The following XKR9 variants were observed in gnomAD, a reference collection of about 807,000 sequenced individuals.
XKR9 encodes XK-related protein 9.
Under a neutral mutation model 32.0 loss-of-function variants are expected in XKR9, and 32 were observed. The ratio of observed to expected loss-of-function variants is 1.00; its 90% CI spans 0.76 to 1.34. The LOEUF (loss-of-function observed/expected upper bound fraction) is 1.34. Ranked by LOEUF, XKR9 falls within the 40% of genes most tolerant of loss-of-function variation. XKR9 has a pLI of 0.00. For missense variants in XKR9, 546 were observed against 429.7 expected, an observed-to-expected ratio of 1.27 and a Z score of -2.39; for synonymous variants, 168 against 143.4, an observed-to-expected ratio of 1.17 and a Z score of -1.22.
At chr8:70,870,077 G>C in the XKR9 span, among the ~76,000 whole-genome samples, 157 of 152,248 alleles carry the variant, frequency 1.0e-3, 1 homozygote, top group Middle Eastern at 6.8e-3. Context: ...TGTGACTCAG[G>C]CATAGTAACT....
chr8:70,732,596 T>C (rs1806708963), intron 4 of XKR9, among the ~76,000 whole-genome samples: 1 of 152,190 alleles, frequency 6.6e-6, no homozygotes, highest in Non-Finnish European at 1.5e-5. Context: ...AATCAATTTA[T>C]CATGATGGGA....
chr8:70,916,662 C>A, the XKR9 span, among the ~76,000 whole-genome samples: 1 of 152,202 alleles, frequency 6.6e-6, no homozygotes, highest in Non-Finnish European at 1.5e-5. Context: ...ATTTTAGAAT[C>A]AGTTCAATAA....
the XKR9 span, among the ~76,000 whole-genome samples, chr8:70,934,113 T>C: frequency 2.6e-5 from 4 of 152,092 alleles, no homozygotes; most frequent in Non-Finnish European, 5.9e-5. Context: ...TTTAGAGTTA[T>C]ATGTTGTCTT....
At chr8:70,901,294 A>G in the XKR9 span, among the ~76,000 whole-genome samples, 420 of 152,214 alleles carry the variant, frequency 2.8e-3, 4 homozygotes, top group African/African-American at 9.6e-3. Flanking sequence ...AAGTGTTCCT[A>G]TTTCTCCACA....
At chr8:70,972,330 G>A in the XKR9 span, among the ~76,000 whole-genome samples, 1 of 152,096 alleles carries the variant, frequency 6.6e-6, no homozygotes, top group Non-Finnish European at 1.5e-5. Flanking sequence ...CTGAAACTTT[G>A]CTGAATTTAT....
the XKR9 span, among the ~76,000 whole-genome samples, chr8:70,992,944 C>T: frequency 1.8e-3 from 267 of 152,342 alleles, 1 homozygote; most frequent in Non-Finnish European, 3.0e-3. Context: ...GTTTCTCCTG[C>T]CTTCTAGACT....
chr8:70,706,960 C>A lies in XKR9; in HGVS notation c.300C>A (p.Tyr100Ter). 1 of 1,612,474 alleles carries A rather than the reference C, an allele frequency of 6.2e-7. No homozygotes were observed. Among genetic ancestry groups the A allele is most frequent in the Non-Finnish European group, 8.5e-7 (1 of 1,178,940 alleles). ...ATTGGTTTGCCTTAAAAAGGGGTTA[C>A]CATGCAGCTTTTAAATATGACAGCA... ...TRYWFALKRG[Y>*]HAAFKYDSNT... Residue 100 changes from tyrosine (Y) to a stop codon, truncating the protein, a stop_gained, in exon 4 of 5, where the codon TAC becomes TAA. Coordinates refer to ENST00000408926, the MANE Select transcript of XKR9 (RefSeq NM_001011720.2). LOFTEE classifies it high-confidence loss of function.
At chr8:70,984,510 A>G in the XKR9 span, among the ~76,000 whole-genome samples, 1 of 152,218 alleles carries the variant, frequency 6.6e-6, no homozygotes, top group African/African-American at 2.4e-5. Context: ...TAAGCCAGCA[A>G]CTATATTTGA....
At chr8:70,980,411 G>C in the XKR9 span, among the ~76,000 whole-genome samples, 2 of 152,160 alleles carry the variant, frequency 1.3e-5, no homozygotes, top group African/African-American at 2.4e-5. Flanking sequence ...TCTCCCTACT[G>C]TTGCTTTAAA....
At chr8:71,063,802 T>A in the XKR9 span, among the ~76,000 whole-genome samples, 1 of 152,170 alleles carries the variant, frequency 6.6e-6, no homozygotes, top group African/African-American at 2.4e-5. Context: ...GCTATTGAAA[T>A]CAAACTGGCC....
the XKR9 span, among the ~76,000 whole-genome samples, chr8:70,951,472 A>AT: frequency 1.3e-5 from 2 of 152,256 alleles, no homozygotes; most frequent in Admixed American, 1.3e-4. Flanking sequence ...AGCAGAACAA[A>AT]TATTTGTTAG....
intron 3 of XKR9, chr8:70,683,511 A>G: frequency 2.3e-6 from 1 of 438,124 alleles, no homozygotes. Flanking sequence ...TTTTTGAGAC[A>G]GGGCCTTGCT....
At chr8:70,884,705 G>T in the XKR9 span, among the ~76,000 whole-genome samples, 1 of 151,932 alleles carries the variant, frequency 6.6e-6, no homozygotes, top group Admixed American at 6.6e-5. Flanking sequence ...TATTTGTGTG[G>T]GTCTGTTTCT....
At chr8:70,947,138 C>A in the XKR9 span, among the ~76,000 whole-genome samples, 1 of 151,522 alleles carries the variant, frequency 6.6e-6, no homozygotes, top group East Asian at 1.9e-4. Context: ...AAGCCCAAAC[C>A]CAAATCATAA....
intron 2 of XKR9, among the ~76,000 whole-genome samples, chr8:70,747,027 C>G (rs1049075647): frequency 6.6e-6 from 1 of 152,180 alleles, no homozygotes; most frequent in African/African-American, 2.4e-5. Context: ...TTTTCTGTTT[C>G]TGTGTTAATT....
At chr8:70,832,451 T>C in the XKR9 span, among the ~76,000 whole-genome samples, 2 of 152,122 alleles carry the variant, frequency 1.3e-5, no homozygotes, top group East Asian at 1.9e-4. Flanking sequence ...TTCCATGACA[T>C]AGACAAAAGA....
At chr8:70,806,275 CA>C in the XKR9 span, among the ~76,000 whole-genome samples, 16,497 of 152,176 alleles carry the variant, frequency 0.11, 1,023 homozygotes, top group African/African-American at 0.17. Flanking sequence ...TCAGCAGCCT[CA>C]AATCGAAACT....
At chr8:71,015,568 A>G in the XKR9 span, among the ~76,000 whole-genome samples, 6 of 152,174 alleles carry the variant, frequency 3.9e-5, no homozygotes, top group Non-Finnish European at 7.3e-5. Flanking sequence ...CTTATGGCCT[A>G]TAGTAACAAA....
At chr8:70,971,092 G>A in the XKR9 span, among the ~76,000 whole-genome samples, 5 of 152,188 alleles carry the variant, frequency 3.3e-5, no homozygotes, top group African/African-American at 1.2e-4. Context: ...CCAACCAACA[G>A]TGTAAATGTG....
Sources: allele counts gnomAD v4.1 joint callset (sites outside exome capture counted in the v4.1 genomes callset), GRCh38; gene constraint gnomAD v4.1.1; transcripts MANE v1.5; gene names NCBI Gene and HGNC (gene_info 2026-07-23, HGNC 2026-07-21).